The following NLRC5 variants were observed in gnomAD, a reference collection of about 807,000 sequenced individuals.
The protein encoded by NLRC5 is protein NLRC5.
Under a neutral mutation model 206.9 loss-of-function variants are expected in NLRC5, and 114 were observed. That is an observed-to-expected ratio of 0.55 (90% CI 0.47 to 0.64). The LOEUF (loss-of-function observed/expected upper bound fraction) is 0.64. NLRC5 is among the 30% of genes least tolerant of loss of function. NLRC5 has a pLI of 0.00. For missense variants in NLRC5, 2,008 were observed against 2,305.5 expected, an observed-to-expected ratio of 0.87 and a Z score of 2.64; for synonymous variants, 952 against 962.8, an observed-to-expected ratio of 0.99 and a Z score of 0.21.
At chr16:57,013,840 C>A in intron 1 of NLRC5, 1 of 676,818 alleles carries the variant, frequency 1.5e-6, no homozygotes, top group Admixed American at 2.1e-5. Context: ...TTATTTCATC[C>A]GATACTTTCT....
intron 14 of NLRC5, among the ~76,000 whole-genome samples, 172 bp from the exon 15 acceptor site, chr16:57,037,023 A>AT (rs2062673260): frequency 6.6e-6 from 1 of 152,182 alleles, no homozygotes; most frequent in African/African-American, 2.4e-5. Flanking sequence ...GGTGTCATGC[A>AT]TTTTTTGGCT....
intron 1 of NLRC5, among the ~76,000 whole-genome samples, chr16:57,010,498 C>G (rs759005670): frequency 6.6e-6 from 1 of 152,152 alleles, no homozygotes; most frequent in South Asian, 2.1e-4. Context: ...CACAGCCTCC[C>G]GATTAGCTGG....
chr16:57,037,148 G>A (rs755382843), intron 14 of NLRC5, 47 bp from the exon 15 acceptor site: 16 of 1,506,658 alleles, frequency 1.1e-5, no homozygotes, highest in Non-Finnish European at 3.7e-6. Context: ...GCTGGGGCTG[G>A]GTACCTCAGC....
intron 1 of NLRC5, among the ~76,000 whole-genome samples, 177 bp from the exon 2 acceptor site, chr16:57,016,897 A>G (rs16942393): frequency 0.48 from 72,185 of 151,944 alleles, 17,747 homozygotes; most frequent in East Asian, 0.57. Context: ...CAGGGACACA[A>G]GGAGCTGCAG....
chr16:57,051,515 C>T, intron 23 of NLRC5, 23 bp from the exon 24 acceptor site: 3 of 1,592,562 alleles, frequency 1.9e-6, no homozygotes, highest in Non-Finnish European at 2.6e-6. Flanking sequence ...TCCCCCACCT[C>T]ATCCACCTGC....
chr16:57,039,782 C>T lies in NLRC5; in HGVS notation c.2803C>T (p.Leu935=). Residue 935 remains leucine, a splice_region_variant and synonymous_variant, in exon 16 of 49, where the codon CTG becomes TTG. Transcript: ENST00000688547. ...CWTLAELHIS[L]QHKTVIFMFA... ...CTCACCCCTCTTTTGTCTTCACAGC[C>T]TGCAGCACAAAACTGTGATCTTCAT... 1 of 1,614,130 alleles carries T rather than the reference C, an allele frequency of 6.2e-7. No individual in the cohort carries two copies. Among genetic ancestry groups the T allele is most frequent in the South Asian group, 1.1e-5 (1 of 91,076 alleles).
intron 11 of NLRC5, among the ~76,000 whole-genome samples, chr16:57,031,967 C>G (rs1451185856): frequency 6.6e-6 from 1 of 151,854 alleles, no homozygotes; most frequent in Non-Finnish European, 1.5e-5. Context: ...GAAAAGGGAG[C>G]TGCTTTTCCC....
chr16:57,029,005 C>T (rs878980988), intron 8 of NLRC5, among the ~76,000 whole-genome samples: 3 of 152,126 alleles, frequency 2.0e-5, no homozygotes, highest in African/African-American at 4.8e-5. Flanking sequence ...TTATATGGCA[C>T]CTTTATGACA....
At position 57,055,529 on chromosome 16, in the gene NLRC5, GGGA is replaced by G. The variant is rs1255092326; in HGVS notation, c.3746+20_3746+22del. Reference sequence around the variant, plus strand: ...ACCTCAGCCAGGTGGAGTAAGTTGAGGGAGGAGGAGGAAGGAGAGGAGCATGGA... The same window carrying G: ...ACCTCAGCCAGGTGGAGTAAGTTGAGGGAGGAGGAAGGAGAGGAGCATGGA... On this transcript the variant is annotated intron_variant, in intron 27 of 48. Coordinates refer to ENST00000688547, the MANE Select transcript of NLRC5 (RefSeq NM_001384950.1). The G allele has an allele frequency of 9.3e-6, 15 of 1,610,290 alleles. No homozygotes were observed. The highest frequency in any genetic ancestry group is 1.3e-5 in the African/African-American group (1 of 74,784).
chr16:57,074,341 C>T (rs1052031740), intron 38 of NLRC5: 2 of 337,984 alleles, frequency 5.9e-6, no homozygotes, highest in South Asian at 4.6e-5. Context: ...AATGTGTGAC[C>T]GCCATTATTA....
chr16:56,989,889 G>A (rs1368261755), intron 1 of NLRC5, among the ~76,000 whole-genome samples: 1 of 152,170 alleles, frequency 6.6e-6, no homozygotes, highest in Admixed American at 6.5e-5. Context: ...GCCTGGATGG[G>A]GGGACACAGT....
intron 10 of NLRC5, among the ~76,000 whole-genome samples, 176 bp from the exon 11 acceptor site, chr16:57,031,228 T>C (rs564787095): frequency 7.9e-5 from 12 of 152,334 alleles, no homozygotes; most frequent in Non-Finnish European, 4.4e-5. Context: ...ACATAATCAG[T>C]ATTTCACATG....
At chr16:57,029,635 G>A (rs1453920291) in intron 8 of NLRC5, 138 bp from the exon 9 acceptor site, 5 of 681,562 alleles carry the variant, frequency 7.3e-6, no homozygotes, top group South Asian at 1.7e-5. Flanking sequence ...GCTGGAATCC[G>A]GCGAGCAGGC....
In NLRC5 at chr16:57,067,831, A is replaced by G. The variant is rs2067229024; in HGVS notation, c.4499+3A>G. Reference sequence around the variant, plus strand: ...CTCTCTGAGCTGAAGACATTTCGGTATGTAGACAAGACATTCACTCAGTCC... The same window carrying G: ...CTCTCTGAGCTGAAGACATTTCGGTGTGTAGACAAGACATTCACTCAGTCC... On this transcript the variant is annotated splice_donor_region_variant and intron_variant, in intron 36 of 48. Transcript: ENST00000688547. 1.9e-6 allele frequency: 3 copies of G among 1,611,964 alleles called. No individual in the cohort carries two copies. The highest frequency in any genetic ancestry group is 2.5e-6 in the Non-Finnish European group (3 of 1,178,014).
intron 17 of NLRC5, chr16:57,041,276 C>A: frequency 3.7e-6 from 2 of 544,040 alleles, no homozygotes; most frequent in Non-Finnish European, 6.6e-6. Context: ...CCATCTGTGT[C>A]TCTGCCCACC....
Position 57,043,516 on chromosome 16 carries a change from C to T in NLRC5, c.3115C>T (p.Leu1039Phe). The T allele has an allele frequency of 6.2e-7, 1 of 1,614,002 alleles. No individual in the cohort carries two copies. Among genetic ancestry groups the T allele is most frequent in the Non-Finnish European group, 8.5e-7 (1 of 1,179,854 alleles). ...PGLGALQSLN[L>F]SENGLSLDAV... is the part of the protein sequence containing the mutation. ...TTGTGCCACCCCTGTGATCTCCAGC[C>T]TCAGTGAGAACGGTTTGTCCCTGGA... Residue 1039 changes from leucine to phenylalanine, a missense_variant and splice_region_variant, in exon 20 of 49, where the codon CTC becomes TTC. By Grantham distance (22) the Leu-to-Phe change is conservative (BLOSUM62 0). Transcript: ENST00000688547.
intron 20 of NLRC5, 68 bp from the exon 21 acceptor site, chr16:57,045,380 G>A (rs2063806296): frequency 1.0e-5 from 16 of 1,561,018 alleles, no homozygotes; most frequent in African/African-American, 1.4e-5. Flanking sequence ...ACCAGTCTGG[G>A]TTCTTGCCAC....
intron 37 of NLRC5, 141 bp from the exon 38 acceptor site, chr16:57,070,394 G>T: frequency 1.5e-6 from 1 of 674,582 alleles, no homozygotes; most frequent in Non-Finnish European, 2.6e-6. Flanking sequence ...TGGGGAACCT[G>T]GACAGCGAGG....
intron 12 of NLRC5, 76 bp from the exon 13 acceptor site, chr16:57,034,092 C>T: frequency 7.9e-7 from 1 of 1,263,788 alleles, no homozygotes; most frequent in African/African-American, 1.5e-5. Context: ...CTGACTCCCC[C>T]AGCATTGGAA....
Sources: allele counts gnomAD v4.1 joint callset (sites outside exome capture counted in the v4.1 genomes callset), GRCh38; gene constraint gnomAD v4.1.1; transcripts MANE v1.5; gene names NCBI Gene and HGNC (gene_info 2026-07-23, HGNC 2026-07-21).